COMMD5: variants seen among roughly 807,000 people sequenced by gnomAD.
COMMD5 encodes COMM domain-containing protein 5.
In COMMD5, 10 loss-of-function variants were observed where a neutral mutation model predicts 6.9. The observed-to-expected ratio is 1.44, with a 90% CI of 0.89 to 2.45. COMMD5 has a LOEUF of 2.45. Ranked by LOEUF, COMMD5 falls within the 30% of genes most tolerant of loss-of-function variation. The pLI, the probability that COMMD5 is intolerant of heterozygous loss-of-function variation, is 0.00. For missense variants in COMMD5, 234 were observed against 287.8 expected (o/e 0.81, Z 1.35); for synonymous variants, 127 against 125.3 (o/e 1.01, Z -0.09).
intron 1 of COMMD5, chr8:144,843,094 A>G (rs866792452): frequency 6.2e-7 from 1 of 1,612,954 alleles, no homozygotes; most frequent in Non-Finnish European, 8.5e-7. Context: ...GAAGCCTTAT[A>G]AATGCAATGA....
downstream of COMMD5, among the ~76,000 whole-genome samples, chr8:144,848,427 G>A (rs567745081): frequency 4.0e-5 from 6 of 151,486 alleles, no homozygotes; most frequent in South Asian, 1.3e-3. Flanking sequence ...AACCTGGGAG[G>A]CAGAGGTTGC....
At chr8:144,842,640 C>T in intron 1 of COMMD5, 3 of 1,614,122 alleles carry the variant, frequency 1.9e-6, no homozygotes, top group Non-Finnish European at 1.7e-6. Flanking sequence ...AGAGTTCCAG[C>T]CTTATTTACC....
chr8:144,838,166 T>A (rs1829301102), downstream of COMMD5: 1 of 702,686 alleles, frequency 1.4e-6, no homozygotes, highest in African/African-American at 1.7e-5. Context: ...CTCACTCTGA[T>A]CTCCGACTCC....
Position 144,850,611 on chromosome 8 carries a change from C to A in COMMD5, c.*53G>T. On this transcript the variant is annotated 3_prime_UTR_variant, in exon 2 of 2. Transcript: ENST00000305103. The surrounding 1 kb of genome is among the most constrained non-coding windows in gnomAD (Gnocchi z 4.0). The stretch of plus-strand genomic sequence containing the variant: ...GGAAGAGTCAGCTGCACTTTGGCAC[C>A]ATCTCAGGTGCCTGTCCAAGCCGGA... 6.4e-7 allele frequency: 1 copy of A among 1,565,104 alleles called. No homozygotes were observed. The highest frequency in any genetic ancestry group is 1.2e-5 in the South Asian group (1 of 85,030).
chr8:144,841,787 A>C, intron 1 of COMMD5: 1 of 1,614,202 alleles, frequency 6.2e-7, no homozygotes, highest in Non-Finnish European at 8.5e-7. Context: ...AGATGTCAAG[A>C]ATGCCAAAAA....
At chr8:144,841,185 C>G (rs946823218) in exon 2 of COMMD5, 4 of 693,962 alleles carry the variant, frequency 5.8e-6, no homozygotes, top group African/African-American at 3.5e-5. Flanking sequence ...TATGAAACCA[C>G]TTTTGAGAAC....
exon 2 of COMMD5, chr8:144,841,131 C>G: frequency 1.8e-6 from 1 of 542,610 alleles, no homozygotes; most frequent in Middle Eastern, 4.9e-4. Flanking sequence ...CCTGCCCCAG[C>G]AATGAACATT....
chr8:144,845,851 G>A, downstream of COMMD5: 1 of 851,222 alleles, frequency 1.2e-6, no homozygotes, highest in Non-Finnish European at 1.8e-6. Context: ...TGCACGTGGA[G>A]TATGTGTGCA....
At position 144,851,107 on chromosome 8, in the gene COMMD5, G is replaced by T. The variant is rs1167760225; in HGVS notation, c.232C>A (p.Pro78Thr). The T allele has an allele frequency of 2.5e-6, 4 of 1,611,892 alleles. No individual in the cohort carries two copies. Among genetic ancestry groups the T allele is most frequent in the Non-Finnish European group, 3.4e-6 (4 of 1,179,360 alleles). The change falls in exon 2 of 2, where the codon CCG becomes ACG. Residue 78 changes from proline (P) to threonine (T), a missense_variant. By Grantham distance (38) the Pro-to-Thr change is conservative (BLOSUM62 -1). Transcript: ENST00000305103. ...VQRLGVSANL[P>T]EEQLGALLAG... ...AGCAGGGCACCCAGCTGCTCCTCCG[G>T]CAGGTTGGCGCTGACCCCAAGACGC... is the stretch of plus-strand genomic sequence containing the variant.
At chr8:144,841,142 C>A (rs1829852865) in exon 2 of COMMD5, 2 of 570,836 alleles carry the variant, frequency 3.5e-6, no homozygotes, top group Admixed American at 6.5e-5. Context: ...AATGAACATT[C>A]ATTGCTATCG....
chr8:144,841,709 G>A, exon 2 of COMMD5: 1 of 1,614,176 alleles, frequency 6.2e-7, no homozygotes, highest in Non-Finnish European at 8.5e-7. Context: ...TGCGAGGAGT[G>A]TGGCAAAGGC....
At chr8:144,845,553 C>T (rs1455168594), downstream of COMMD5, among the ~76,000 whole-genome samples, 1 of 152,180 alleles carries the variant, frequency 6.6e-6, no homozygotes, top group Non-Finnish European at 1.5e-5. Context: ...ATCTGCTGCT[C>T]AACCCTAATC....
intron 1 of COMMD5, among the ~76,000 whole-genome samples, chr8:144,844,579 G>C (rs563935750): frequency 3.3e-5 from 5 of 151,840 alleles, no homozygotes; most frequent in Admixed American, 2.0e-4. Flanking sequence ...GCGTGGTGGC[G>C]GGCACCTGTA....
At chr8:144,845,293 A>G (rs2722482), downstream of COMMD5, among the ~76,000 whole-genome samples, 4,182 of 152,228 alleles carry the variant, frequency 0.027, 240 homozygotes, top group East Asian at 0.23. Context: ...CCCATGACGC[A>G]GAGGCCCAGC....
chr8:144,850,406 T>G lies in COMMD5; in HGVS notation c.*258A>C. 1 of 429,754 alleles carries G rather than the reference T, an allele frequency of 2.3e-6. No homozygotes were observed. Among genetic ancestry groups the G allele is most frequent in the Non-Finnish European group, 4.2e-6 (1 of 240,354 alleles). 26.6% of individuals were successfully genotyped at this position (429,754 alleles called of 1,614,324 possible). ...GGCCACGTCCAGCACCAAAGACAAA[T>G]GTACAGGGAAGGGGAGGGTGTGAGG... On this transcript the variant is annotated 3_prime_UTR_variant, in exon 2 of 2. Coordinates refer to ENST00000305103, the MANE Select transcript of COMMD5 (RefSeq NM_014066.4). The surrounding 1 kb of genome is among the most constrained non-coding windows in gnomAD (Gnocchi z 4.0).
chr8:144,846,804 T>A (rs1830534772), downstream of COMMD5: 1 of 152,162 alleles, frequency 6.6e-6, no homozygotes, highest in Non-Finnish European at 1.5e-5. Flanking sequence ...GTTCACGCCA[T>A]TCTCCTGCCT....
chr8:144,842,436 C>G, intron 1 of COMMD5: 1 of 1,613,982 alleles, frequency 6.2e-7, no homozygotes, highest in Non-Finnish European at 8.5e-7. Context: ...CTTATAAATG[C>G]AACAAGTGTA....
chr8:144,838,060 C>G (rs1249927580), downstream of COMMD5: 16 of 702,872 alleles, frequency 2.3e-5, 1 homozygote, highest in East Asian at 4.3e-4. Context: ...GGCCGTGCCC[C>G]CCTGTGAAGG....
chr8:144,844,476 C>T (rs1024246404), intron 1 of COMMD5, among the ~76,000 whole-genome samples: 3 of 151,408 alleles, frequency 2.0e-5, no homozygotes, highest in South Asian at 2.1e-4. Flanking sequence ...TTTGGGAGGT[C>T]GAGGTGGGTG....
Sources: gnomAD v4.1 joint callset for allele counts (sites outside exome capture counted in the v4.1 genomes callset) on GRCh38, gnomAD v4.1.1 for gene constraint, Gnocchi (gnomAD v3.1) non-coding constraint, MANE v1.5 for transcripts, NCBI Gene and HGNC (gene_info 2026-07-23, HGNC 2026-07-21) for gene names.